Variants in REEP5 observed in about 807,000 individuals in gnomAD.
REEP5 encodes receptor expression-enhancing protein 5.
REEP5 carries 24 observed loss-of-function variants against 22.4 expected under a neutral mutation model. That is an observed-to-expected ratio of 1.07 (90% confidence interval 0.78 to 1.51). The LOEUF (loss-of-function observed/expected upper bound fraction) is 1.51, where lower values mean the gene tolerates loss of function less well. Ranked by LOEUF, REEP5 falls within the 40% of genes most tolerant of loss-of-function variation. The pLI, the probability that REEP5 is intolerant of heterozygous loss-of-function variation, is 0.00. For missense variants in REEP5, 252 were observed against 233.0 expected, an observed-to-expected ratio of 1.08 and a Z score of -0.53; for synonymous variants, 103 against 88.6, an observed-to-expected ratio of 1.16 and a Z score of -0.92.
chr5:112,888,088 G>T (rs1468053235), intron 3 of REEP5, among the ~76,000 whole-genome samples: 1 of 152,174 alleles, frequency 6.6e-6, no homozygotes, highest in Non-Finnish European at 1.5e-5. Flanking sequence ...AAAAACAGAA[G>T]TCACTTACAG....
At chr5:112,886,278 C>T (rs890023720) in intron 4 of REEP5, among the ~76,000 whole-genome samples, 1 of 152,232 alleles carries the variant, frequency 6.6e-6, no homozygotes. Flanking sequence ...TGGCATCCAG[C>T]AGTCCAAGGT....
At chr5:112,892,301 G>A (rs535521257) in intron 3 of REEP5, 303 of 1,613,976 alleles carry the variant, frequency 1.9e-4, no homozygotes, top group Non-Finnish European at 2.4e-4. Context: ...CAGTGCAGGA[G>A]GGATGACTAT....
chr5:112,921,454 C>T (rs1163255457), intron 1 of REEP5, 198 bp from the exon 2 acceptor site: 4 of 608,044 alleles, frequency 6.6e-6, no homozygotes, highest in African/African-American at 1.8e-5. Context: ...GGATACCAGG[C>T]AGCCCCACCA....
intron 3 of REEP5, among the ~76,000 whole-genome samples, chr5:112,899,862 T>A (rs1580745803): frequency 6.6e-6 from 1 of 152,258 alleles, no homozygotes; most frequent in East Asian, 1.9e-4. Flanking sequence ...TTATACCAAC[T>A]GAGCATACCA....
chr5:112,921,257 C>T lies in REEP5; in HGVS notation c.119-1G>A. Reference sequence around the variant, plus strand: ...TACAAGGCCACCAGTCCGATGACACCTGGGGACCACAAGGAGAGAAGTGGG... The same window carrying T: ...TACAAGGCCACCAGTCCGATGACACTTGGGGACCACAAGGAGAGAAGTGGG... On this transcript the variant is annotated splice_acceptor_variant, in intron 1 of 4. Coordinates refer to ENST00000379638, the MANE Select transcript of REEP5 (RefSeq NM_005669.5). LOFTEE classifies it high-confidence loss of function. 1 of 1,614,052 alleles carries T rather than the reference C, an allele frequency of 6.2e-7. No individual in the cohort carries two copies.
At chr5:112,905,149 G>C (rs1302443108) in intron 2 of REEP5, among the ~76,000 whole-genome samples, 1 of 151,902 alleles carries the variant, frequency 6.6e-6, no homozygotes, top group Non-Finnish European at 1.5e-5. Flanking sequence ...CCCAAAACAA[G>C]AAAAAAGGGA....
chr5:112,921,879 A>G (rs1769380712), intron 1 of REEP5, 194 bp downstream of exon 1: 2 of 579,272 alleles, frequency 3.5e-6, no homozygotes, highest in East Asian at 4.1e-5. Flanking sequence ...CGCGACCCTC[A>G]GCCTGGGCAG....
intron 2 of REEP5, among the ~76,000 whole-genome samples, chr5:112,904,303 GTA>G (rs1226176808): frequency 2.0e-5 from 3 of 152,184 alleles, no homozygotes; most frequent in Non-Finnish European, 4.4e-5. Flanking sequence ...AAAGAACACA[GTA>G]TATCCTTTAT....
At chr5:112,915,819 T>C (rs914080177) in intron 2 of REEP5, among the ~76,000 whole-genome samples, 5 of 146,394 alleles carry the variant, frequency 3.4e-5, no homozygotes, top group Non-Finnish European at 7.4e-5. Flanking sequence ...GGCAGCTCAG[T>C]AGAAAATACA....
rs532285608 is a variant in REEP5 at position 112,880,186 on chromosome 5, G to A, written c.521-1351C>T. 3.0e-3 allele frequency among the ~76,000 whole-genome samples: 458 copies of A among 152,096 alleles called. 4 individuals are homozygous for A. The highest frequency in any genetic ancestry group is 0.011 in the African/African-American group (446 of 41,468). ...AGAGCTTTGAGAGGCTGAGGTAGGAGTATTCCTTGAAGCCAGGAGTTTGAG... is the reference window on the plus strand; with the variant it reads ...AGAGCTTTGAGAGGCTGAGGTAGGAATATTCCTTGAAGCCAGGAGTTTGAG... On this transcript the variant is annotated intron_variant, in intron 4 of 4. Coordinates refer to ENST00000379638, the MANE Select transcript of REEP5 (RefSeq NM_005669.5).
intron 2 of REEP5, among the ~76,000 whole-genome samples, chr5:112,905,263 G>A (rs922708484): frequency 3.9e-5 from 6 of 152,120 alleles, no homozygotes; most frequent in African/African-American, 1.4e-4. Context: ...GTTTCTGGCC[G>A]GGCACAATGG....
intron 3 of REEP5, chr5:112,897,353 A>T (rs1393129215): frequency 2.9e-5 from 1 of 35,076 alleles, no homozygotes; most frequent in Non-Finnish European, 5.4e-5. Context: ...ACATCCCATC[A>T]CACACACACA....
chr5:112,880,592 G>C (rs1293645699), intron 4 of REEP5, among the ~76,000 whole-genome samples: 2 of 152,324 alleles, frequency 1.3e-5, no homozygotes, highest in East Asian at 3.9e-4. Flanking sequence ...GAAATTCCTA[G>C]TTAATCCAAA....
intron 3 of REEP5, among the ~76,000 whole-genome samples, chr5:112,899,646 C>CT (rs1315528921): frequency 3.9e-5 from 6 of 152,112 alleles, no homozygotes; most frequent in African/African-American, 1.4e-4. Flanking sequence ...CCATGAATAT[C>CT]TTTGTGCAGC....
At chr5:112,916,172 G>A (rs1300271184) in intron 2 of REEP5, among the ~76,000 whole-genome samples, 4 of 152,222 alleles carry the variant, frequency 2.6e-5, no homozygotes, top group African/African-American at 9.6e-5. Flanking sequence ...CCCTTTGTGT[G>A]CTGAGCATCA....
chr5:112,878,422 C>A lies in REEP5; in HGVS notation c.*364G>T. 4.7e-6 allele frequency: 1 copy of A among 210,706 alleles called. No individual in the cohort carries two copies. 13.1% of individuals were successfully genotyped at this position (210,706 alleles called of 1,614,324 possible). A position where few individuals can be genotyped will look rare whatever the true frequency, so the allele number is the denominator to read the frequency against. On this transcript the variant is annotated 3_prime_UTR_variant, in exon 5 of 5. Coordinates refer to ENST00000379638, the MANE Select transcript of REEP5 (RefSeq NM_005669.5). ...AGGAAGTAGAACCATAAAGATTATC[C>A]TAAATGTAACTACAGAGAAAATGCG...
intron 3 of REEP5, chr5:112,893,347 T>A: frequency 4.4e-6 from 1 of 227,608 alleles, no homozygotes; most frequent in South Asian, 5.8e-5. Context: ...AAGGCGGAGG[T>A]TGCAGTGAGT....
At chr5:112,911,223 G>C (rs17311019) in intron 2 of REEP5, among the ~76,000 whole-genome samples, 2 of 152,218 alleles carry the variant, frequency 1.3e-5, no homozygotes, top group Non-Finnish European at 1.5e-5. Flanking sequence ...CGCTGGAAAA[G>C]AGCATGGATT....
chr5:112,911,521 T>C (rs1034943269), intron 2 of REEP5, among the ~76,000 whole-genome samples: 1 of 152,232 alleles, frequency 6.6e-6, no homozygotes, highest in African/African-American at 2.4e-5. Context: ...ATTTTTCAAA[T>C]TATTTCAGAC....
Sources: allele counts gnomAD v4.1 joint callset (sites outside exome capture counted in the v4.1 genomes callset), GRCh38; gene constraint gnomAD v4.1.1; transcripts MANE v1.5; gene names NCBI Gene and HGNC (gene_info 2026-07-23, HGNC 2026-07-21).